MYBPC1: variants seen among roughly 807,000 people sequenced by gnomAD.
The protein encoded by MYBPC1 is myosin binding protein C1.
A neutral mutation model predicts 147.1 loss-of-function variants in MYBPC1; 52 were observed. The observed-to-expected ratio is 0.35, with a 90% CI of 0.28 to 0.45. The LOEUF (loss-of-function observed/expected upper bound fraction) is 0.45. Among genes scored for constraint, MYBPC1 ranks in the 20% least tolerant of loss-of-function variants. MYBPC1 has a pLI of 1.00. For missense variants in MYBPC1, 1,228 were observed against 1,440.3 expected (o/e 0.85, Z 2.39); for synonymous variants, 477 against 475.9 (o/e 1.00, Z -0.03).
intron 6 of MYBPC1, among the ~76,000 whole-genome samples, chr12:101,629,809 G>T (rs1889497054): frequency 1.3e-5 from 2 of 151,904 alleles, no homozygotes; most frequent in South Asian, 4.2e-4. Context: ...CGAGGCGGAG[G>T]TTGCAGTGAA....
downstream of MYBPC1, among the ~76,000 whole-genome samples, chr12:101,689,733 C>A (rs1011129359): frequency 6.6e-6 from 1 of 152,208 alleles, no homozygotes; most frequent in African/African-American, 2.4e-5. Context: ...CCTAGGAAGG[C>A]TGGAGGTGTA....
intron 18 of MYBPC1, among the ~76,000 whole-genome samples, chr12:101,657,757 C>G (rs1565971262): frequency 6.6e-6 from 1 of 152,110 alleles, no homozygotes; most frequent in Non-Finnish European, 1.5e-5. Flanking sequence ...TAAATTCTAC[C>G]AAACATTTAA....
intron 1 of MYBPC1, among the ~76,000 whole-genome samples, chr12:101,595,347 C>T (rs1876783264): frequency 6.6e-6 from 1 of 152,048 alleles, no homozygotes; most frequent in Admixed American, 6.5e-5. Flanking sequence ...TTCTATCATT[C>T]AATTGTAAAG....
chr12:101,682,185 T>TC (rs750969076), intron 29 of MYBPC1, among the ~76,000 whole-genome samples: 5 of 151,062 alleles, frequency 3.3e-5, no homozygotes, highest in Non-Finnish European at 7.4e-5. Flanking sequence ...TGTTTCAATA[T>TC]CCCCCCAAAA....
Position 101,678,368 on chromosome 12 carries a change from G to A in MYBPC1, c.3246+130G>A, listed in dbSNP as rs1236568062. 3.7e-6 allele frequency: 5 copies of A among 1,333,940 alleles called. No individual in the cohort carries two copies. In the African/African-American group the frequency reaches 4.3e-5, roughly 12 times the overall value. 82.6% of individuals were successfully genotyped at this position (1,333,940 alleles called of 1,614,324 possible). A position where few individuals can be genotyped will look rare whatever the true frequency, so the allele number is the denominator to read the frequency against. ...CAGGATGGGGGATTAGAAGGTGGTA[G>A]TGGTGGTAGATTATTAGGCACACTA... On this transcript the variant is annotated intron_variant, in intron 28 of 31. Coordinates refer to ENST00000361466, the MANE Select transcript of MYBPC1 (RefSeq NM_002465.4).
intron 2 of MYBPC1, among the ~76,000 whole-genome samples, chr12:101,615,953 C>G (rs825084): frequency 6.6e-6 from 1 of 151,574 alleles, no homozygotes; most frequent in Non-Finnish European, 1.5e-5. Context: ...CAAGCTGGAG[C>G]GCAGTGGCAC....
At chr12:101,659,626 T>G in intron 18 of MYBPC1, 46 bp from the exon 19 acceptor site, 4 of 1,607,276 alleles carry the variant, frequency 2.5e-6, no homozygotes, top group Non-Finnish European at 2.6e-6. Context: ...GAAGTAGCCC[T>G]GTTTATTGTG....
At chr12:101,600,202 G>A (rs964299119) in intron 1 of MYBPC1, among the ~76,000 whole-genome samples, 3 of 152,136 alleles carry the variant, frequency 2.0e-5, no homozygotes, top group African/African-American at 7.2e-5. Context: ...TCACTAGCTG[G>A]TCTAAGGAAT....
In MYBPC1 at chr12:101,652,719, A is replaced by G. The variant is rs758873947; in HGVS notation, c.1568A>G (p.Glu523Gly). ...ATAGCCAATGCCCTCACTGAAGATG[A>G]AGGTGATTATGTATTTGCACCTGAT... ...LVIANALTED[E>G]GDYVFAPDAY... is the part of the protein sequence containing the mutation. The change falls in exon 17 of 32, where the codon GAA becomes GGA. Residue 523 changes from glutamate to glycine, a missense_variant. Coordinates refer to ENST00000361466, the MANE Select transcript of MYBPC1 (RefSeq NM_002465.4). 1.2e-6 allele frequency: 2 copies of G among 1,614,008 alleles called. No individual in the cohort carries two copies. The highest frequency in any genetic ancestry group is 2.2e-5 in the South Asian group (2 of 91,082).
At chr12:101,598,090 G>A (rs532249213) in intron 1 of MYBPC1, among the ~76,000 whole-genome samples, 124 of 142,856 alleles carry the variant, frequency 8.7e-4, no homozygotes, top group Non-Finnish European at 1.3e-3. Flanking sequence ...CACAGTCTCC[G>A]CTCACTGCAG....
In MYBPC1 at chr12:101,629,479, A is replaced by G. The variant is rs1334872493; in HGVS notation, c.224A>G (p.Gln75Arg). ...CCTCCTGGGGAGGAACAAGCCAAGCAGAATGCCAACTCCCAGCTGTCCATC... is the reference window on the plus strand; with the variant it reads ...CCTCCTGGGGAGGAACAAGCCAAGCGGAATGCCAACTCCCAGCTGTCCATC... ...ETPPGEEQAK[Q>R]NANSQLSILF... The change falls in exon 6 of 32, where the codon CAG becomes CGG. Residue 75 changes from glutamine (Q) to arginine (R), a missense_variant. Around this residue, in one of 2 missense-constraint regions of MYBPC1, gnomAD observed 151 missense variants for 126.1 expected, o/e 1.20. Transcript: ENST00000361466. The G allele has an allele frequency of 3.1e-6, 5 of 1,613,978 alleles. No individual in the cohort carries two copies. The highest frequency in any genetic ancestry group is 4.2e-6 in the Non-Finnish European group (5 of 1,179,986).
chr12:101,678,293 T>A, intron 28 of MYBPC1, 55 bp downstream of exon 28: 1 of 1,602,588 alleles, frequency 6.2e-7, no homozygotes, highest in Non-Finnish European at 8.5e-7. Context: ...TTTGTTGTGT[T>A]ATAATGTAAG....
At chr12:101,635,016 A>G (rs1890713964) in intron 9 of MYBPC1, among the ~76,000 whole-genome samples, 1 of 152,202 alleles carries the variant, frequency 6.6e-6, no homozygotes, top group African/African-American at 2.4e-5. Flanking sequence ...TCACTCAGGG[A>G]GCTACTGAAC....
chr12:101,652,564 C>T (rs1894718432), intron 16 of MYBPC1, 114 bp from the exon 17 acceptor site: 1 of 743,846 alleles, frequency 1.3e-6, no homozygotes, highest in East Asian at 2.6e-5. Context: ...CTCTCTCCCT[C>T]TCTTTCCTGC....
intron 1 of MYBPC1, among the ~76,000 whole-genome samples, chr12:101,610,369 G>C (rs1299649550): frequency 6.6e-6 from 1 of 152,156 alleles, no homozygotes; most frequent in Non-Finnish European, 1.5e-5. Context: ...GTAGGGGTAT[G>C]AGGGACTCAC....
At chr12:101,670,147 AC>A in intron 23 of MYBPC1, among the ~76,000 whole-genome samples, 173 bp from the exon 24 acceptor site, 1 of 151,820 alleles carries the variant, frequency 6.6e-6, no homozygotes, top group Non-Finnish European at 1.5e-5. Flanking sequence ...ACACACACAC[AC>A]ACACACATTT....
intron 3 of MYBPC1, among the ~76,000 whole-genome samples, chr12:101,623,860 TCA>T (rs1189489227): frequency 4.6e-5 from 7 of 152,226 alleles, no homozygotes; most frequent in Non-Finnish European, 7.3e-5. Context: ...TTTAATTATT[TCA>T]CAGTCTTCTG....
At chr12:101,636,070 A>G (rs1890923016) in intron 9 of MYBPC1, among the ~76,000 whole-genome samples, 1 of 152,216 alleles carries the variant, frequency 6.6e-6, no homozygotes, top group South Asian at 2.1e-4. Flanking sequence ...TAATAAGAAA[A>G]TTAGAATAAT....
chr12:101,661,957 C>A (rs1398419508), intron 20 of MYBPC1, among the ~76,000 whole-genome samples: 1 of 150,936 alleles, frequency 6.6e-6, no homozygotes, highest in South Asian at 2.1e-4. Flanking sequence ...TTTGCTTCCC[C>A]TATGCCATGA....
Sources: allele counts gnomAD v4.1 joint callset (sites outside exome capture counted in the v4.1 genomes callset), GRCh38; gene constraint gnomAD v4.1.1; regional missense constraint gnomAD v4.1.1; transcripts MANE v1.5; gene names NCBI Gene and HGNC (gene_info 2026-07-23, HGNC 2026-07-21).